Variants in ZNF536 observed in about 807,000 individuals in gnomAD.
The protein encoded by ZNF536 is zinc finger protein 536.
Under a neutral mutation model 84.5 loss-of-function variants are expected in ZNF536, and 13 were observed. That is an observed-to-expected ratio of 0.15 (90% CI 0.10 to 0.24). ZNF536 has a LOEUF of 0.24. Among genes scored for constraint, ZNF536 ranks in the 10% least tolerant of loss-of-function variants. The pLI is 1.00. For missense variants in ZNF536, 1,536 were observed against 1,747.5 expected, an observed-to-expected ratio of 0.88 and a Z score of 2.16; for synonymous variants, 811 against 742.5, an observed-to-expected ratio of 1.09 and a Z score of -1.50.
In ZNF536 at chr19:30,667,779, AC is replaced by A. The variant is rs543501449; in HGVS notation, c.170-42977del. 2.1e-4 allele frequency among the ~76,000 whole-genome samples: 32 copies of A among 152,176 alleles called. No homozygotes were observed. In the East Asian group the frequency reaches 6.2e-3, roughly 29 times the overall value. ...CAGCTCCCAGCCTATTTACTACAGTACTAGATAACAATAGCAGAGCAGTAGT... is the reference window on the plus strand; with the variant it reads ...CAGCTCCCAGCCTATTTACTACAGTATAGATAACAATAGCAGAGCAGTAGT... On this transcript the variant is annotated intron_variant, in intron 1 of 1. Coordinates refer to the ZNF536 transcript ENST00000592773.
intron 1 of ZNF536, among the ~76,000 whole-genome samples, chr19:30,440,434 G>A (rs143539224): frequency 6.2e-4 from 95 of 152,234 alleles, no homozygotes; most frequent in Non-Finnish European, 1.1e-3. Context: ...CCGAGGTTAG[G>A]CCACATCAAG....
At chr19:30,566,829 G>A (rs882546) in intron 1 of ZNF536, among the ~76,000 whole-genome samples, 39,682 of 151,496 alleles carry the variant, frequency 0.26, 5,514 homozygotes, top group East Asian at 0.42. Context: ...TGGCCTCTCC[G>A]GGTAGTGGGG....
At chr19:30,606,044 A>G (rs2146978396) in intron 1 of ZNF536, among the ~76,000 whole-genome samples, 1 of 151,942 alleles carries the variant, frequency 6.6e-6, no homozygotes, top group East Asian at 1.9e-4. Flanking sequence ...CAGCAAATTG[A>G]AAGAGCAGAT....
At chr19:30,454,703 C>A (rs2052756858) in intron 2 of ZNF536, among the ~76,000 whole-genome samples, 1 of 152,136 alleles carries the variant, frequency 6.6e-6, no homozygotes, top group Non-Finnish European at 1.5e-5. Context: ...TGGGGCCAGA[C>A]CCCTCGGAAA....
chr19:30,453,363 C>G (rs186619777), intron 2 of ZNF536, among the ~76,000 whole-genome samples: 17 of 152,286 alleles, frequency 1.1e-4, no homozygotes, highest in African/African-American at 3.8e-4. Context: ...GGTTCATCCT[C>G]GAGCCAGGTC....
intron 1 of ZNF536, among the ~76,000 whole-genome samples, chr19:30,601,655 A>T (rs1204291436): frequency 6.6e-6 from 1 of 152,156 alleles, no homozygotes; most frequent in East Asian, 1.9e-4. Flanking sequence ...TCTGAGAAAC[A>T]CAAAGCAAGG....
intron 1 of ZNF536, among the ~76,000 whole-genome samples, chr19:30,382,882 T>C (rs1406104624): frequency 6.6e-6 from 1 of 152,204 alleles, no homozygotes; most frequent in East Asian, 1.9e-4. Flanking sequence ...TTAGCAAACA[T>C]AAACCAGGGA....
rs2052224031 is a variant in ZNF536 at position 30,444,561 on chromosome 19, C to T, written c.999C>T (p.Gly333=). ...CGGCCGAGTCGGCCCAGGGCCAGGG[C>T]CCCAACGGCGGTGGCGAGCAGTCGG... ...HITAESAQGQ[G]PNGGGEQSAN... The change falls in exon 2 of 5, where the codon GGC becomes GGT. Residue 333 remains glycine (G), a synonymous_variant. Coordinates refer to ENST00000355537, the MANE Select transcript of ZNF536 (RefSeq NM_014717.3). The T allele has an allele frequency of 1.9e-6, 3 of 1,613,602 alleles. No individual in the cohort carries two copies. The highest frequency in any genetic ancestry group is 2.5e-6 in the Non-Finnish European group (3 of 1,179,980).
At chr19:30,504,318 C>T (rs2055071243) in intron 2 of ZNF536, among the ~76,000 whole-genome samples, 1 of 147,588 alleles carries the variant, frequency 6.8e-6, no homozygotes, top group Non-Finnish European at 1.5e-5. Flanking sequence ...TCCCTCCCAC[C>T]AGCCTCCTTC....
intron 1 of ZNF536, among the ~76,000 whole-genome samples, chr19:30,415,207 CCCCTCCCCCTCCTCCTCTTCT>C (rs1174322156): frequency 3.7e-5 from 3 of 80,232 alleles, no homozygotes; most frequent in Admixed American, 1.3e-4. Flanking sequence ...CTTCTCCCTC[CCCCTCCCCCTCCTCCTCTTCT>C]CCCTCCCCCT....
chr19:30,260,614 A>G (rs1022134955), intron 1 of ZNF536, among the ~76,000 whole-genome samples: 1 of 152,210 alleles, frequency 6.6e-6, no homozygotes, highest in Non-Finnish European at 1.5e-5. Context: ...TCAGAAGGAA[A>G]TTCATTGGCC....
chr19:30,689,372 C>T (rs970857109), intron 1 of ZNF536, among the ~76,000 whole-genome samples: 2 of 152,194 alleles, frequency 1.3e-5, no homozygotes, highest in African/African-American at 2.4e-5. Flanking sequence ...AAAAACATGT[C>T]CGTCTGTGAG....
At chr19:30,453,565 G>A (rs2052705823) in intron 2 of ZNF536, among the ~76,000 whole-genome samples, 1 of 152,220 alleles carries the variant, frequency 6.6e-6, no homozygotes, top group African/African-American at 2.4e-5. Flanking sequence ...CTGTGCCTCT[G>A]AAATGTGCCT....
intron 1 of ZNF536, among the ~76,000 whole-genome samples, chr19:30,378,883 A>T (rs1010178194): frequency 6.6e-6 from 1 of 152,098 alleles, no homozygotes; most frequent in African/African-American, 2.4e-5. Flanking sequence ...TGTGTGCAAA[A>T]CGCTGTGCCA....
At chr19:30,256,034 G>A (rs922528966) in intron 1 of ZNF536, among the ~76,000 whole-genome samples, 1 of 152,178 alleles carries the variant, frequency 6.6e-6, no homozygotes, top group Non-Finnish European at 1.5e-5. Flanking sequence ...AGCCTCTGTG[G>A]CTCCCTTGCT....
At chr19:30,482,936 G>C (rs1286698880) in intron 2 of ZNF536, among the ~76,000 whole-genome samples, 2 of 152,162 alleles carry the variant, frequency 1.3e-5, no homozygotes, top group Non-Finnish European at 2.9e-5. Flanking sequence ...CCCCTTGCTT[G>C]GTGCTGTATG....
chr19:30,626,198 A>AGAATTAT (rs2048669552), intron 1 of ZNF536, among the ~76,000 whole-genome samples: 1 of 152,214 alleles, frequency 6.6e-6, no homozygotes, highest in Non-Finnish European at 1.5e-5. Flanking sequence ...GACACACACA[A>AGAATTAT]GAATTATGCG....
chr19:30,502,868 C>T (rs2055007113), intron 2 of ZNF536, among the ~76,000 whole-genome samples: 1 of 151,998 alleles, frequency 6.6e-6, no homozygotes, highest in South Asian at 2.1e-4. Flanking sequence ...CTCTTGAGGC[C>T]AAAATAAACC....
rs2052231199 is a variant in ZNF536, at chr19:30,444,726, C to T, written c.1164C>T (p.Leu388=). ...CGRRFKEPWF[L]KNHMKVHLNK... is the part of the protein sequence containing the mutation. The stretch of plus-strand genomic sequence containing the variant: ...GGCGCTTCAAGGAGCCCTGGTTCCT[C>T]AAGAACCACATGAAGGTCCACCTCA... The change falls in exon 2 of 5, where the codon CTC becomes CTT. Residue 388 remains leucine, a synonymous_variant. Transcript: ENST00000355537. The T allele has an allele frequency of 6.2e-7, 1 of 1,613,872 alleles. No homozygotes were observed. The highest frequency in any genetic ancestry group is 8.5e-7 in the Non-Finnish European group (1 of 1,180,050).
Sources: gnomAD v4.1 joint callset for allele counts (sites outside exome capture counted in the v4.1 genomes callset) on GRCh38, gnomAD v4.1.1 for gene constraint, MANE v1.5 for transcripts, NCBI Gene and HGNC (gene_info 2026-07-23, HGNC 2026-07-21) for gene names.